The following ZNF385D variants were observed in gnomAD, a reference collection of about 807,000 sequenced individuals.
ZNF385D encodes the protein zinc finger protein 659.
A neutral mutation model predicts 35.8 loss-of-function variants in ZNF385D; 15 were observed. That is an observed-to-expected ratio of 0.42 (90% confidence interval 0.28 to 0.64). The LOEUF is 0.64. ZNF385D is among the 30% of genes least tolerant of loss of function. ZNF385D has a pLI of 0.23. For synonymous variants in ZNF385D, 212 were observed against 186.8 expected (o/e 1.13, Z -1.10); for missense variants, 474 against 494.6 (o/e 0.96, Z 0.39).
chr3:21,757,885 G>A (rs1414693152), intron 3 of ZNF385D, among the ~76,000 whole-genome samples: 1 of 152,184 alleles, frequency 6.6e-6, no homozygotes, highest in Non-Finnish European at 1.5e-5. Flanking sequence ...CTCAGATGGT[G>A]TCTGAAACAT....
At chr3:21,518,220 ATT>A (rs961207776) in intron 3 of ZNF385D, among the ~76,000 whole-genome samples, 54 of 151,518 alleles carry the variant, frequency 3.6e-4, no homozygotes, top group Admixed American at 1.1e-3. Flanking sequence ...AAAATTATCG[ATT>A]TTTTTTTCCT....
intron 3 of ZNF385D, among the ~76,000 whole-genome samples, chr3:22,034,282 T>A (rs1333963478): frequency 1.3e-5 from 2 of 152,092 alleles, no homozygotes; most frequent in Non-Finnish European, 2.9e-5. Context: ...CTCTCTCTGC[T>A]CCCAGTCATA....
intron 3 of ZNF385D, among the ~76,000 whole-genome samples, chr3:22,158,049 C>G (rs1248918500): frequency 6.6e-6 from 1 of 152,074 alleles, no homozygotes. Flanking sequence ...GAGGGAATTA[C>G]AGCGCACATT....
intron 2 of ZNF385D, among the ~76,000 whole-genome samples, chr3:22,323,191 A>T (rs752147101): frequency 6.6e-6 from 1 of 152,146 alleles, no homozygotes; most frequent in Non-Finnish European, 1.5e-5. Flanking sequence ...TTTTGAGTTA[A>T]TATCAATCAT....
intron 2 of ZNF385D, among the ~76,000 whole-genome samples, chr3:22,212,914 C>G (rs925457287): frequency 2.0e-5 from 3 of 151,628 alleles, no homozygotes; most frequent in African/African-American, 7.3e-5. Flanking sequence ...ATAACCTTAA[C>G]TAAGGAAAAA....
chr3:21,853,510 T>C (rs1442297128), intron 3 of ZNF385D, among the ~76,000 whole-genome samples: 6 of 146,792 alleles, frequency 4.1e-5, no homozygotes, highest in Admixed American at 4.1e-4. Context: ...TGCAGTCCTT[T>C]TTTTTTTTTT....
chr3:22,270,370 T>G (rs1701110114), intron 2 of ZNF385D, among the ~76,000 whole-genome samples: 1 of 151,920 alleles, frequency 6.6e-6, no homozygotes, highest in Admixed American at 6.6e-5. Context: ...TGACCCTCAT[T>G]TTGATAATAG....
chr3:22,218,450 T>C (rs932281750), intron 2 of ZNF385D, among the ~76,000 whole-genome samples: 7 of 151,956 alleles, frequency 4.6e-5, no homozygotes, highest in African/African-American at 1.7e-4. Flanking sequence ...AATTTATATA[T>C]AAATATATGT....
At chr3:22,040,425 T>C (rs1438823857) in intron 3 of ZNF385D, among the ~76,000 whole-genome samples, 1 of 152,146 alleles carries the variant, frequency 6.6e-6, no homozygotes, top group East Asian at 1.9e-4. Flanking sequence ...AAAAATGTGT[T>C]ACAGATCAAG....
intron 3 of ZNF385D, among the ~76,000 whole-genome samples, chr3:22,158,004 TC>T (rs1429344893): frequency 6.6e-6 from 1 of 152,048 alleles, no homozygotes; most frequent in Non-Finnish European, 1.5e-5. Context: ...GTAAGCAAAG[TC>T]AGCTTTACAA....
chr3:22,250,474 C>T (rs1212787231), intron 2 of ZNF385D, among the ~76,000 whole-genome samples: 1 of 151,946 alleles, frequency 6.6e-6, no homozygotes, highest in Admixed American at 6.6e-5. Context: ...CTTAACTGAT[C>T]CATTAGGAGT....
chr3:21,750,441 T>C (rs922038710), intron 1 of ZNF385D, among the ~76,000 whole-genome samples: 8 of 152,214 alleles, frequency 5.3e-5, no homozygotes, highest in Admixed American at 1.3e-4. Context: ...CACTAGACAA[T>C]GTTTTCCTTT....
chr3:21,987,704 G>C (rs1406336525), intron 3 of ZNF385D, among the ~76,000 whole-genome samples: 12 of 144,862 alleles, frequency 8.3e-5, no homozygotes, highest in African/African-American at 1.1e-4. Context: ...TCCTGAATCT[G>C]AACATTGGCC....
Position 22,089,720 on chromosome 3 carries a change from T to A in ZNF385D, c.325+79097A>T, listed in dbSNP as rs117489216. Among the ~76,000 whole-genome samples, 617 of 152,332 alleles carry A rather than the reference T, an allele frequency of 4.1e-3. 15 individuals carry two copies. Among genetic ancestry groups the A allele is most frequent in the Admixed American group, 0.026 (405 of 15,290 alleles). On this transcript the variant is annotated intron_variant, in intron 3 of 5. Transcript: ENST00000494108. Reference sequence around the variant, plus strand: ...TGAACATTATTCTTTGAGCATGCTATCTCAGCCCAAAGGGTAATAGTTGTT... The same window carrying A: ...TGAACATTATTCTTTGAGCATGCTAACTCAGCCCAAAGGGTAATAGTTGTT...
At chr3:21,966,565 A>G (rs1216670751) in intron 3 of ZNF385D, among the ~76,000 whole-genome samples, 1 of 152,026 alleles carries the variant, frequency 6.6e-6, no homozygotes, top group East Asian at 1.9e-4. Context: ...ATTGGTGTCA[A>G]CTAGCAGGTT....
At chr3:21,606,101 T>C (rs2064473360) in intron 2 of ZNF385D, among the ~76,000 whole-genome samples, 1 of 152,154 alleles carries the variant, frequency 6.6e-6, no homozygotes, top group East Asian at 1.9e-4. Context: ...ATAGGAGAAC[T>C]GAGGGACTGA....
chr3:22,000,203 G>A (rs1224589398), intron 3 of ZNF385D, among the ~76,000 whole-genome samples: 1 of 152,094 alleles, frequency 6.6e-6, no homozygotes, highest in Non-Finnish European at 1.5e-5. Context: ...TACTAAGGAG[G>A]CTGAGGCAGG....
intron 2 of ZNF385D, among the ~76,000 whole-genome samples, chr3:21,651,385 T>A (rs1300398924): frequency 6.6e-6 from 1 of 151,784 alleles, no homozygotes; most frequent in African/African-American, 2.4e-5. Context: ...CAGGTTATTT[T>A]AATTATTTTC....
chr3:21,982,586 G>A (rs778943719), intron 3 of ZNF385D, among the ~76,000 whole-genome samples: 6 of 152,188 alleles, frequency 3.9e-5, no homozygotes, highest in African/African-American at 1.4e-4. Context: ...CCTTTCTCTT[G>A]CCTGTTTGCT....
Sources: gnomAD v4.1 joint callset for allele counts (sites outside exome capture counted in the v4.1 genomes callset) on GRCh38, gnomAD v4.1.1 for gene constraint, MANE v1.5 for transcripts, NCBI Gene and HGNC (gene_info 2026-07-23, HGNC 2026-07-21) for gene names.